CACNG2: variants seen among roughly 807,000 people sequenced by gnomAD.
CACNG2 encodes the protein voltage-dependent calcium channel gamma-2 subunit.
Under a neutral mutation model 25.9 loss-of-function variants are expected in CACNG2, and 3 were observed. That is an observed-to-expected ratio of 0.12 (90% CI 0.05 to 0.30). The LOEUF is 0.30. Ranked by LOEUF, CACNG2 falls within the 10% of genes least tolerant of loss-of-function variation. The pLI is 1.00. For synonymous variants in CACNG2, 167 were observed against 173.3 expected (o/e 0.96, Z 0.29); for missense variants, 341 against 432.5 (o/e 0.79, Z 1.88).
chr22:36,700,350 G>A (rs1412216267), intron 1 of CACNG2, among the ~76,000 whole-genome samples: 1 of 152,158 alleles, frequency 6.6e-6, no homozygotes, highest in African/African-American at 2.4e-5. Flanking sequence ...TTTGCCTTCT[G>A]GGAATTACAC....
chr22:36,566,675 C>T (rs1935133387), intron 2 of CACNG2, among the ~76,000 whole-genome samples, 182 bp from the exon 3 acceptor site: 1 of 152,190 alleles, frequency 6.6e-6, no homozygotes, highest in Non-Finnish European at 1.5e-5. Context: ...CAGCTCACAG[C>T]CCTGCAGGAG....
intron 1 of CACNG2, among the ~76,000 whole-genome samples, chr22:36,610,673 G>T (rs972462768): frequency 2.6e-5 from 4 of 152,306 alleles, no homozygotes; most frequent in African/African-American, 9.6e-5. Flanking sequence ...AGAAAGCGGG[G>T]CCACCTCCTA....
chr22:36,683,320 C>T (rs527550434), intron 1 of CACNG2, among the ~76,000 whole-genome samples: 56 of 152,346 alleles, frequency 3.7e-4, no homozygotes, highest in African/African-American at 1.3e-3. Context: ...GGGTCAAAGT[C>T]CAATACTTCA....
chr22:36,677,461 C>T (rs1569049283), intron 1 of CACNG2, among the ~76,000 whole-genome samples: 1 of 152,176 alleles, frequency 6.6e-6, no homozygotes, highest in Non-Finnish European at 1.5e-5. Flanking sequence ...GTGTCTTCCT[C>T]TGGGGTGGGT....
At chr22:36,566,288 G>T in intron 3 of CACNG2, 65 bp downstream of exon 3, 1 of 1,514,488 alleles carries the variant, frequency 6.6e-7, no homozygotes, top group Non-Finnish European at 9.2e-7. Flanking sequence ...CCAGGCCCTC[G>T]TGGCCCCTGA....
Position 36,610,154 on chromosome 22 carries a change from G to A in CACNG2, c.212-22606C>T, listed in dbSNP as rs114682536. 3.3e-3 allele frequency among the ~76,000 whole-genome samples: 501 copies of A among 151,332 alleles called. 3 individuals are homozygous for A. The highest frequency in any genetic ancestry group is 0.012 in the African/African-American group (486 of 41,162). On this transcript the variant is annotated intron_variant, in intron 1 of 3. Transcript: ENST00000300105. ...TGATCCGGCAGGAATCAGTATCCCA[G>A]AATGTCATCAGGCAGGAATCAGTCC...
intron 1 of CACNG2, among the ~76,000 whole-genome samples, chr22:36,590,045 T>C (rs2283981): frequency 0.38 from 57,737 of 152,064 alleles, 11,758 homozygotes; most frequent in African/African-American, 0.53. Flanking sequence ...TGACATGCCC[T>C]GAGGCGTCCC....
chr22:36,596,786 C>T (rs1603501188), intron 1 of CACNG2, among the ~76,000 whole-genome samples: 1 of 152,258 alleles, frequency 6.6e-6, no homozygotes, highest in South Asian at 2.1e-4. Flanking sequence ...GAGACAGGGT[C>T]TCTCTCTGTT....
chr22:36,593,456 G>A (rs374149588), intron 1 of CACNG2, among the ~76,000 whole-genome samples: 1 of 152,128 alleles, frequency 6.6e-6, no homozygotes, highest in South Asian at 2.1e-4. Flanking sequence ...GAAATGGACC[G>A]GAAATGTCGA....
Position 36,564,691 on chromosome 22 carries a change from G to C in CACNG2, c.632C>G (p.Thr211Arg). 1.2e-6 allele frequency: 2 copies of C among 1,613,990 alleles called. No individual in the cohort carries two copies. The highest frequency in any genetic ancestry group is 2.2e-5 in the South Asian group (2 of 91,086). Reference sequence around the variant, plus strand: ...CTGGAGGTAGTCCGTGGCGCGGGCCGTGGCCCGCAGCTGTTTGTGCCGGTC... The same window carrying C: ...CTGGAGGTAGTCCGTGGCGCGGGCCCTGGCCCGCAGCTGTTTGTGCCGGTC... ...FIDRHKQLRA[T>R]ARATDYLQAS... is the part of the protein sequence containing the mutation. The change falls in exon 4 of 4, where the codon ACG (threonine) becomes AGG (arginine). Residue 211 changes from threonine to arginine, a missense_variant. Physicochemically the swap from Thr to Arg is moderately conservative, Grantham distance 71. Around this residue, in one of 2 missense-constraint regions of CACNG2, gnomAD observed 172 missense variants for 178.1 expected, o/e 0.97. Transcript: ENST00000300105. This position sits in a 1 kb window ranked among gnomAD's most constrained non-coding sequence, Gnocchi z 6.7.
intron 1 of CACNG2, among the ~76,000 whole-genome samples, chr22:36,661,949 A>G (rs1601442534): frequency 8.6e-6 from 1 of 115,914 alleles, no homozygotes; most frequent in Non-Finnish European, 1.8e-5. Context: ...TCTGCTTCCT[A>G]TGGACTCATT....
chr22:36,690,292 A>G (rs958267675), intron 1 of CACNG2, among the ~76,000 whole-genome samples: 3 of 152,210 alleles, frequency 2.0e-5, no homozygotes, highest in African/African-American at 7.2e-5. Flanking sequence ...CGGAAGAGAC[A>G]TCTGCTGCCC....
intron 1 of CACNG2, among the ~76,000 whole-genome samples, chr22:36,648,297 G>C (rs1020549055): frequency 6.6e-6 from 1 of 152,188 alleles, no homozygotes; most frequent in Non-Finnish European, 1.5e-5. Context: ...TTTAAAAAGA[G>C]CATATGCTCT....
chr22:36,614,882 G>C (rs12160203), intron 1 of CACNG2, among the ~76,000 whole-genome samples: 1 of 152,172 alleles, frequency 6.6e-6, no homozygotes, highest in African/African-American at 2.4e-5. Context: ...TGGACTTACT[G>C]CACATGGAGA....
intron 1 of CACNG2, among the ~76,000 whole-genome samples, chr22:36,634,916 T>C (rs1021423104): frequency 6.6e-6 from 1 of 152,238 alleles, no homozygotes; most frequent in Non-Finnish European, 1.5e-5. Flanking sequence ...GTCCCTTTGG[T>C]TGGCCTGGTT....
Position 36,564,333 on chromosome 22 carries a change from T to G in CACNG2, c.*18A>C. On this transcript the variant is annotated 3_prime_UTR_variant, in exon 4 of 4. Transcript: ENST00000300105. The surrounding 1 kb of genome is among the most constrained non-coding windows in gnomAD (Gnocchi z 6.7). ...ACCGCGCCCTCCTCCCGCGGTCTTC[T>G]GGCGAGGCCCGCGGTCTTTATACGG... 6.2e-7 allele frequency: 1 copy of G among 1,602,180 alleles called. No homozygotes were observed. The highest frequency in any genetic ancestry group is 8.5e-7 in the Non-Finnish European group (1 of 1,174,018).
chr22:36,677,871 T>C (rs1292238827), intron 1 of CACNG2, among the ~76,000 whole-genome samples: 1 of 152,206 alleles, frequency 6.6e-6, no homozygotes, highest in African/African-American at 2.4e-5. Flanking sequence ...AAGTAGCCAA[T>C]AGGAGTTCAG....
intron 1 of CACNG2, among the ~76,000 whole-genome samples, chr22:36,616,962 G>C (rs1044879463): frequency 6.6e-6 from 1 of 152,184 alleles, no homozygotes; most frequent in Non-Finnish European, 1.5e-5. Context: ...AATCACACAG[G>C]CCAGGAAAGG....
At chr22:36,643,077 T>C (rs1033323770) in intron 1 of CACNG2, among the ~76,000 whole-genome samples, 1 of 145,384 alleles carries the variant, frequency 6.9e-6, no homozygotes, top group Non-Finnish European at 1.5e-5. Flanking sequence ...TTCTTTTTCC[T>C]TCATTCCTTC....
Sources: allele counts gnomAD v4.1 joint callset (sites outside exome capture counted in the v4.1 genomes callset), GRCh38; gene constraint gnomAD v4.1.1; regional missense constraint gnomAD v4.1.1; non-coding constraint Gnocchi (gnomAD v3.1); transcripts MANE v1.5; gene names NCBI Gene and HGNC (gene_info 2026-07-23, HGNC 2026-07-21).